The following HACD3 variants were observed in gnomAD, a reference collection of about 807,000 sequenced individuals.
HACD3 encodes very-long-chain (3R)-3-hydroxyacyl-CoA dehydratase 3.
In HACD3, 30 loss-of-function variants were observed where a neutral mutation model predicts 55.2. The observed-to-expected ratio is 0.54, with a 90% CI of 0.41 to 0.74. HACD3 has a LOEUF of 0.74. Ranked by LOEUF, HACD3 falls within the 30% of genes least tolerant of loss-of-function variation. The pLI is 0.00. For missense variants in HACD3, 363 were observed against 440.1 expected (o/e 0.82, Z 1.57); for synonymous variants, 141 against 151.7 (o/e 0.93, Z 0.52).
In HACD3 at chr15:65,576,674, G is replaced by C. The variant is rs1596222338; in HGVS notation, c.*295G>C. 3.0e-6 allele frequency: 1 copy of C among 333,790 alleles called. No homozygotes were observed. Among genetic ancestry groups the C allele is most frequent in the East Asian group, 5.9e-5 (1 of 17,004 alleles). The allele number at this position is 333,790 out of a possible 1,614,324, so 20.7% of individuals were successfully genotyped here. ...TGTTCAGTCTGTCTAATACATGCCA[G>C]AGATTTTTTTTTCAAAAAGTGCTTT... On this transcript the variant is annotated 3_prime_UTR_variant, in exon 11 of 11. Transcript: ENST00000261875.
intron 4 of HACD3, 99 bp from the exon 5 acceptor site, chr15:65,558,581 G>C: frequency 8.7e-7 from 1 of 1,148,156 alleles, no homozygotes; most frequent in Non-Finnish European, 1.3e-6. Context: ...TGGAGGAGTT[G>C]GCTTTGAGGG....
chr15:65,533,222 A>G (rs999694522), intron 1 of HACD3, among the ~76,000 whole-genome samples: 1 of 152,288 alleles, frequency 6.6e-6, no homozygotes, highest in African/African-American at 2.4e-5. Context: ...TCCATGGGGA[A>G]CCCTGGGGTG....
chr15:65,569,212 C>T (rs2072324144), intron 7 of HACD3, among the ~76,000 whole-genome samples: 1 of 148,818 alleles, frequency 6.7e-6, no homozygotes, highest in Non-Finnish European at 1.5e-5. Flanking sequence ...CGTGCCACTG[C>T]ACTCCAGCCT....
At chr15:65,533,983 G>A (rs1446901041) in intron 1 of HACD3, among the ~76,000 whole-genome samples, 1 of 151,652 alleles carries the variant, frequency 6.6e-6, no homozygotes, top group African/African-American at 2.4e-5. Context: ...CCCGGGAGGT[G>A]GAGCTTGCAG....
At position 65,576,302 on chromosome 15, in the gene HACD3, G is replaced by A; in HGVS notation, c.1013-1G>A. On this transcript the variant is annotated splice_acceptor_variant, in intron 10 of 10. Coordinates refer to ENST00000261875, the MANE Select transcript of HACD3 (RefSeq NM_016395.4). LOFTEE classifies it high-confidence loss of function. ...TCTAATTGACCTCTTTTCTTTTTCA[G>A]GTTTATACATAAATTTTCGTCACCT... is the stretch of plus-strand genomic sequence containing the variant. 1.3e-6 allele frequency: 2 copies of A among 1,589,896 alleles called. No individual in the cohort carries two copies. The highest frequency in any genetic ancestry group is 1.7e-6 in the Non-Finnish European group (2 of 1,168,638).
chr15:65,559,354 C>T (rs942866471), intron 5 of HACD3, among the ~76,000 whole-genome samples: 5 of 151,958 alleles, frequency 3.3e-5, no homozygotes, highest in African/African-American at 1.2e-4. Flanking sequence ...TCCATCGTAG[C>T]GCCTATACTC....
intron 1 of HACD3, among the ~76,000 whole-genome samples, chr15:65,549,655 G>A (rs900527130): frequency 6.7e-5 from 10 of 149,036 alleles, no homozygotes. Context: ...GGTGTAACAT[G>A]TAATAGGAAA....
At chr15:65,565,945 A>C (rs2072286801) in intron 7 of HACD3, 1 of 152,544 alleles carries the variant, frequency 6.6e-6, no homozygotes, top group Admixed American at 6.5e-5. Flanking sequence ...TCTGCTTAGA[A>C]ATTTCTCCTG....
intron 1 of HACD3, among the ~76,000 whole-genome samples, chr15:65,539,821 TATA>T (rs1373176663): frequency 4.9e-5 from 2 of 40,474 alleles, no homozygotes; most frequent in Non-Finnish European, 8.6e-5. Flanking sequence ...AGCTTAGAAA[TATA>T]ATATCAAATA....
chr15:65,531,009 T>G (rs2071892322), intron 1 of HACD3, among the ~76,000 whole-genome samples: 2 of 152,192 alleles, frequency 1.3e-5, no homozygotes, highest in Admixed American at 1.3e-4. Context: ...GCGGCCTTCA[T>G]GGAGCCCAGG....
intron 3 of HACD3, 88 bp from the exon 4 acceptor site, chr15:65,556,651 C>A: frequency 3.8e-6 from 5 of 1,305,156 alleles, no homozygotes; most frequent in South Asian, 1.5e-5. Flanking sequence ...ATAAATATAT[C>A]CTGCAGCTTC....
At chr15:65,572,930 A>G (rs145770604) in intron 10 of HACD3, among the ~76,000 whole-genome samples, 15 of 143,694 alleles carry the variant, frequency 1.0e-4, no homozygotes, top group Non-Finnish European at 2.1e-4. Flanking sequence ...AAAAAAAAAA[A>G]TAAATAAATA....
chr15:65,537,999 A>G (rs1322417242), intron 1 of HACD3, among the ~76,000 whole-genome samples: 1 of 134,328 alleles, frequency 7.4e-6, no homozygotes, highest in Non-Finnish European at 1.6e-5. Context: ...ATATATATAT[A>G]TGTATATTCC....
At chr15:65,531,667 G>C (rs1210363831) in intron 1 of HACD3, among the ~76,000 whole-genome samples, 1 of 152,092 alleles carries the variant, frequency 6.6e-6, no homozygotes, top group Non-Finnish European at 1.5e-5. Context: ...CCGGGTTCAA[G>C]GGATTCTCCT....
chr15:65,556,635 A>G (rs555682778), intron 3 of HACD3, 104 bp from the exon 4 acceptor site: 15 of 1,204,494 alleles, frequency 1.2e-5, no homozygotes, highest in Non-Finnish European at 1.7e-5. Context: ...CAGAGAAAGA[A>G]GGAGAATAAA....
At chr15:65,570,313 AT>A in intron 8 of HACD3, 110 bp downstream of exon 8, 1 of 784,756 alleles carries the variant, frequency 1.3e-6, no homozygotes, top group Non-Finnish European at 2.0e-6. Flanking sequence ...TGGGACTAAG[AT>A]TACATATGTG....
chr15:65,549,484 C>T (rs1481318599), intron 1 of HACD3, among the ~76,000 whole-genome samples: 1 of 149,774 alleles, frequency 6.7e-6, no homozygotes, highest in Admixed American at 6.7e-5. Context: ...CCTGTAATCC[C>T]AGCTGCTCGG....
Position 65,530,887 on chromosome 15 carries a change from A to G in HACD3, c.87+169A>G, listed in dbSNP as rs570486998. On this transcript the variant is annotated intron_variant, in intron 1 of 10. Transcript: ENST00000261875. ...CTGGCGCTTTTCGAGGCTCATCTGC[A>G]GATCTCGGGCCGGGGGCACAACCCC... is the stretch of plus-strand genomic sequence containing the variant. 83 of 642,040 alleles carry G rather than the reference A, an allele frequency of 1.3e-4. No individual in the cohort carries two copies. The East Asian group carries it at 2.6e-3, about 20-fold the overall frequency. 39.8% of individuals were successfully genotyped at this position (642,040 alleles called of 1,614,324 possible).
intron 1 of HACD3, chr15:65,535,977 A>G: frequency 4.8e-6 from 2 of 413,726 alleles, no homozygotes; most frequent in Non-Finnish European, 8.5e-6. Flanking sequence ...GGCTTGAACC[A>G]CTGTGCCTAG....
Sources: allele counts gnomAD v4.1 joint callset (sites outside exome capture counted in the v4.1 genomes callset), GRCh38; gene constraint gnomAD v4.1.1; transcripts MANE v1.5; gene names NCBI Gene and HGNC (gene_info 2026-07-23, HGNC 2026-07-21).